SASH1: variants seen among roughly 807,000 people sequenced by gnomAD.
The protein encoded by SASH1 is SAM and SH3 domain-containing protein 1.
Under a neutral mutation model 125.2 loss-of-function variants are expected in SASH1, and 44 were observed. The ratio of observed to expected loss-of-function variants is 0.35; its 90% confidence interval spans 0.28 to 0.45. SASH1 has a LOEUF of 0.45. Among genes scored for constraint, SASH1 ranks in the 20% least tolerant of loss-of-function variants. The probability of loss-of-function intolerance (pLI) is 1.00; values close to 1 mark genes in which losing one functional copy is unlikely to be tolerated. For missense variants in SASH1, 1,426 were observed against 1,614.5 expected (o/e 0.88, Z 2.00); for synonymous variants, 639 against 649.1 (o/e 0.98, Z 0.24).
chr6:148,505,604 C>T (rs987982252), intron 8 of SASH1, among the ~76,000 whole-genome samples: 39 of 151,418 alleles, frequency 2.6e-4, no homozygotes, highest in Admixed American at 2.0e-4. Flanking sequence ...AGCCACTGTG[C>T]CTGGCTGGTT....
At chr6:148,209,103 T>C in the SASH1 span, among the ~76,000 whole-genome samples, 1 of 152,248 alleles carries the variant, frequency 6.6e-6, no homozygotes, top group Non-Finnish European at 1.5e-5. Flanking sequence ...AATGCATGTA[T>C]TGATACACAT....
chr6:148,529,688 A>C lies in SASH1; in HGVS notation c.1429-1838A>C, dbSNP rs1426317687. Among the ~76,000 whole-genome samples the C allele has an allele frequency of 6.6e-6, 1 of 152,192 alleles. No homozygotes were observed. The highest frequency in any genetic ancestry group is 1.5e-5 in the Non-Finnish European group (1 of 68,028). ...TACCATATAGCAATCTTATGTGCTT[A>C]GTTCTGTTTTTTTAAAGCAGCCATT... On this transcript the variant is annotated intron_variant, in intron 12 of 19. Coordinates refer to ENST00000367467, the MANE Select transcript of SASH1 (RefSeq NM_015278.5). This position sits in a 1 kb window ranked among gnomAD's most constrained non-coding sequence, Gnocchi z 4.2.
At chr6:148,252,982 A>G in the SASH1 span, among the ~76,000 whole-genome samples, 2 of 152,184 alleles carry the variant, frequency 1.3e-5, no homozygotes, top group African/African-American at 2.4e-5. Flanking sequence ...TCAGTGGCAC[A>G]GGGGGACTAG....
chr6:148,490,030 A>C (rs972781409), intron 8 of SASH1, among the ~76,000 whole-genome samples: 3 of 143,968 alleles, frequency 2.1e-5, no homozygotes, highest in African/African-American at 7.6e-5. Context: ...AAAAAAAAAA[A>C]AAACAAGAAA....
the SASH1 span, among the ~76,000 whole-genome samples, chr6:148,197,559 G>C: frequency 5.9e-5 from 9 of 152,286 alleles, no homozygotes; most frequent in African/African-American, 1.9e-4. Context: ...CCACCCTCCT[G>C]CCACCTGGAG....
At chr6:148,432,616 G>A (rs1776111398) in intron 2 of SASH1, among the ~76,000 whole-genome samples, 1 of 152,172 alleles carries the variant, frequency 6.6e-6, no homozygotes, top group African/African-American at 2.4e-5. Context: ...GGAGAACTTG[G>A]CACTGAGCTG....
chr6:148,274,668 A>G (rs949908572), intron 1 of SASH1, among the ~76,000 whole-genome samples: 5 of 152,220 alleles, frequency 3.3e-5, no homozygotes, highest in Non-Finnish European at 7.3e-5. Context: ...AGACAGTTCC[A>G]GTTCAGACAA....
At chr6:148,417,615 A>C (rs989641710) in intron 2 of SASH1, among the ~76,000 whole-genome samples, 1 of 150,524 alleles carries the variant, frequency 6.6e-6, no homozygotes, top group East Asian at 2.0e-4. Flanking sequence ...ATAAAAGAGC[A>C]TGTATCCCAT....
chr6:148,274,959 A>G (rs1779146174), intron 1 of SASH1, among the ~76,000 whole-genome samples: 1 of 152,158 alleles, frequency 6.6e-6, no homozygotes, highest in Admixed American at 6.5e-5. Flanking sequence ...ATATTTGGAC[A>G]CCAGGGATTC....
At chr6:148,534,292 ACT>A (rs1781706072) in intron 15 of SASH1, among the ~76,000 whole-genome samples, 1 of 152,020 alleles carries the variant, frequency 6.6e-6, no homozygotes, top group African/African-American at 2.4e-5. Context: ...CCACAAGGAA[ACT>A]CTGCGCCCAC....
the SASH1 span, among the ~76,000 whole-genome samples, chr6:148,202,408 C>T: frequency 1.3e-5 from 2 of 152,170 alleles, no homozygotes; most frequent in African/African-American, 4.8e-5. Flanking sequence ...TGGACTCATC[C>T]TTTCCATCTC....
At chr6:148,387,566 C>CTTTCTT (rs1783441402) in intron 1 of SASH1, among the ~76,000 whole-genome samples, 1 of 70,040 alleles carries the variant, frequency 1.4e-5, no homozygotes, top group African/African-American at 5.7e-5. Context: ...TCTTTCTTTT[C>CTTTCTT]TCTTTCTTTC....
At chr6:148,229,662 G>C in the SASH1 span, among the ~76,000 whole-genome samples, 3 of 150,512 alleles carry the variant, frequency 2.0e-5, no homozygotes, top group Non-Finnish European at 2.9e-5. Flanking sequence ...ACAATTCCAT[G>C]ACTTCTCATA....
intron 2 of SASH1, among the ~76,000 whole-genome samples, chr6:148,410,019 A>T (rs1466326588): frequency 7.1e-6 from 1 of 141,168 alleles, no homozygotes; most frequent in Non-Finnish European, 1.5e-5. Flanking sequence ...CACAAATTTG[A>T]TTTCTTCTTA....
intron 1 of SASH1, among the ~76,000 whole-genome samples, chr6:148,273,372 C>T (rs565364499): frequency 6.7e-6 from 1 of 148,396 alleles, no homozygotes; most frequent in East Asian, 2.0e-4. Flanking sequence ...CAGCTCGCTG[C>T]AACCTCTGCC....
intron 1 of SASH1, among the ~76,000 whole-genome samples, chr6:148,384,121 C>T (rs796620781): frequency 1.1e-4 from 17 of 152,266 alleles, no homozygotes; most frequent in African/African-American, 3.6e-4. Context: ...GGAAAGAGAA[C>T]TTGAATCTGC....
chr6:148,197,718 G>A, the SASH1 span, among the ~76,000 whole-genome samples: 1 of 152,206 alleles, frequency 6.6e-6, no homozygotes, highest in Non-Finnish European at 1.5e-5. Flanking sequence ...GTTTGGCTCT[G>A]TGTCCCCACC....
At chr6:148,345,226 G>T (rs558836967) in intron 1 of SASH1, among the ~76,000 whole-genome samples, 3 of 152,216 alleles carry the variant, frequency 2.0e-5, no homozygotes, top group Admixed American at 6.5e-5. Flanking sequence ...GGGTTCTTTT[G>T]GGGAAGAGGG....
chr6:148,486,651 C>G (rs1023118680), intron 7 of SASH1, among the ~76,000 whole-genome samples: 3 of 150,326 alleles, frequency 2.0e-5, no homozygotes, highest in East Asian at 2.0e-4. Flanking sequence ...TATGGTGGCT[C>G]ACACCTGTAA....
Sources: gnomAD v4.1 joint callset for allele counts (sites outside exome capture counted in the v4.1 genomes callset) on GRCh38, gnomAD v4.1.1 for gene constraint, Gnocchi (gnomAD v3.1) non-coding constraint, MANE v1.5 for transcripts, NCBI Gene and HGNC (gene_info 2026-07-23, HGNC 2026-07-21) for gene names.